The following DDI2 variants were observed in gnomAD, a reference collection of about 807,000 sequenced individuals.
The protein encoded by DDI2 is protein DDI1 homolog 2.
In DDI2, 5 loss-of-function variants were observed where a neutral mutation model predicts 48.1. The observed-to-expected ratio is 0.10, with a 90% confidence interval of 0.05 to 0.22. DDI2 has a LOEUF of 0.22. Ranked by LOEUF, DDI2 falls within the 10% of genes least tolerant of loss-of-function variation. The pLI, the probability that DDI2 is intolerant of heterozygous loss-of-function variation, is 1.00. For synonymous variants in DDI2, 205 were observed against 183.6 expected, an observed-to-expected ratio of 1.12 and a Z score of -0.94; for missense variants, 285 against 506.2, an observed-to-expected ratio of 0.56 and a Z score of 4.19.
At position 15,651,698 on chromosome 1, in the gene DDI2, C is replaced by A; in HGVS notation, c.994-8C>A. 2.5e-6 allele frequency: 4 copies of A among 1,591,734 alleles called. No individual in the cohort carries two copies. Among genetic ancestry groups the A allele is most frequent in the Non-Finnish European group, 3.4e-6 (4 of 1,171,322 alleles). On this transcript the variant is annotated splice_polypyrimidine_tract_variant and splice_region_variant and intron_variant, in intron 7 of 9. Coordinates refer to ENST00000480945, the MANE Select transcript of DDI2 (RefSeq NM_032341.5). ...TCTGCTATTATTCTTTGGTTTCTTT[C>A]TTCCAAGTGTTCCATCGACCTGAAG...
At chr1:15,625,548 G>A (rs1354589617) in intron 1 of DDI2, among the ~76,000 whole-genome samples, 1 of 151,942 alleles carries the variant, frequency 6.6e-6, no homozygotes, top group Non-Finnish European at 1.5e-5. Flanking sequence ...ATTTTTATTA[G>A]TAGTACATTC....
chr1:15,630,214 G>C, intron 2 of DDI2, 111 bp from the exon 3 acceptor site: 2 of 958,504 alleles, frequency 2.1e-6, no homozygotes, highest in Non-Finnish European at 3.2e-6. Context: ...AAAGTCTACA[G>C]TTACCTTTGC....
rs1246176422 is a variant in DDI2 at position 15,666,557 on chromosome 1, T to TA, written c.*6768dup. ...GGGAGAGAAAAGTTCAAGAAGATCT[T>TA]ACATATTTGAAAGGAAATTGGTACT... On this transcript the variant is annotated 3_prime_UTR_variant, in exon 10 of 10. Transcript: ENST00000480945. The TA allele has an allele frequency of 6.6e-6, 1 of 152,230 alleles. No homozygotes were observed. Among genetic ancestry groups the TA allele is most frequent in the Non-Finnish European group, 1.5e-5 (1 of 68,038 alleles). 9.4% of individuals were successfully genotyped at this position (152,230 alleles called of 1,614,324 possible).
At chr1:15,627,244 A>C (rs1177142906) in intron 2 of DDI2, among the ~76,000 whole-genome samples, 1 of 152,222 alleles carries the variant, frequency 6.6e-6, no homozygotes, top group Non-Finnish European at 1.5e-5. Flanking sequence ...ACATGATCTC[A>C]TAACTTGGTT....
At chr1:15,656,332 C>T (rs1466326199) in intron 8 of DDI2, 1 of 1,126,200 alleles carries the variant, frequency 8.9e-7, no homozygotes, top group Non-Finnish European at 1.2e-6. Flanking sequence ...CTTTCTTCAC[C>T]TGTCTCACAT....
rs1314727199 is a variant in DDI2, at chr1:15,666,405, A to T, written c.*6615A>T. 3 of 152,226 alleles carry T rather than the reference A, an allele frequency of 2.0e-5. No homozygotes were observed. Among genetic ancestry groups the T allele is most frequent in the African/African-American group, 4.8e-5 (2 of 41,448 alleles). The allele number at this position is 152,226 out of a possible 1,614,324, so 9.4% of individuals were successfully genotyped here. A position where few individuals can be genotyped will look rare whatever the true frequency, so the allele number is the denominator to read the frequency against. On this transcript the variant is annotated 3_prime_UTR_variant, in exon 10 of 10. Coordinates refer to ENST00000480945, the MANE Select transcript of DDI2 (RefSeq NM_032341.5). ...AGGCTCACCTTGACTGAGTTGATTC[A>T]CAGTTATCCTGCATCAGACCATTAG...
At chr1:15,659,334 A>C (rs1269666688) in intron 9 of DDI2, among the ~76,000 whole-genome samples, 1 of 152,228 alleles carries the variant, frequency 6.6e-6, no homozygotes, top group African/African-American at 2.4e-5. Context: ...TGGTGCAAAG[A>C]TTCTCAGGAT....
intron 6 of DDI2, among the ~76,000 whole-genome samples, chr1:15,644,328 T>G (rs1640052553): frequency 6.6e-6 from 1 of 152,232 alleles, no homozygotes; most frequent in East Asian, 1.9e-4. Context: ...CTTTTTTATC[T>G]GCCCCTCAGT....
At chr1:15,651,518 C>G (rs1295765288) in intron 7 of DDI2, among the ~76,000 whole-genome samples, 188 bp from the exon 8 acceptor site, 1 of 152,066 alleles carries the variant, frequency 6.6e-6, no homozygotes, top group Non-Finnish European at 1.5e-5. Context: ...GGGGTTTCAC[C>G]GTGTTGGCCA....
rs537085215 is a variant in DDI2 at position 15,666,404 on chromosome 1, C to A, written c.*6614C>A. ...CAGGCTCACCTTGACTGAGTTGATT[C>A]ACAGTTATCCTGCATCAGACCATTA... On this transcript the variant is annotated 3_prime_UTR_variant, in exon 10 of 10. Transcript: ENST00000480945. The A allele has an allele frequency of 6.6e-6, 1 of 152,310 alleles. No homozygotes were observed. The highest frequency in any genetic ancestry group is 2.4e-5 in the African/African-American group (1 of 41,562). 9.4% of individuals were successfully genotyped at this position (152,310 alleles called of 1,614,324 possible). A position where few individuals can be genotyped will look rare whatever the true frequency, so the allele number is the denominator to read the frequency against.
chr1:15,659,952 T>C lies in DDI2; in HGVS notation c.*162T>C, dbSNP rs1266796366. ...GTCCTGATGTTGGTAATCCTATGAG[T>C]CTTGCTCGCTCTGTCTCTGCTTCAG... On this transcript the variant is annotated 3_prime_UTR_variant, in exon 10 of 10. Coordinates refer to ENST00000480945, the MANE Select transcript of DDI2 (RefSeq NM_032341.5). 1 of 1,613,990 alleles carries C rather than the reference T, an allele frequency of 6.2e-7. No individual in the cohort carries two copies. The highest frequency in any genetic ancestry group is 8.5e-7 in the Non-Finnish European group (1 of 1,180,022).
intron 1 of DDI2, among the ~76,000 whole-genome samples, chr1:15,623,006 G>A (rs1639694364): frequency 6.6e-6 from 1 of 152,206 alleles, no homozygotes; most frequent in Non-Finnish European, 1.5e-5. Context: ...CATGCTCAAT[G>A]TGGTGGTTAT....
chr1:15,628,024 T>C (rs533323542), intron 2 of DDI2, among the ~76,000 whole-genome samples: 55 of 152,322 alleles, frequency 3.6e-4, no homozygotes, highest in African/African-American at 1.3e-3. Flanking sequence ...CTTCCTTTGG[T>C]TAATTTGATG....
chr1:15,630,115 A>G (rs72647119), intron 2 of DDI2, among the ~76,000 whole-genome samples: 31,599 of 152,036 alleles, frequency 0.21, 3,428 homozygotes, highest in Middle Eastern at 0.26. Flanking sequence ...AGTTACTACC[A>G]TCACCTTCCC....
In DDI2 at chr1:15,638,453, A is replaced by G; in HGVS notation, c.760+19A>G. 1 of 1,584,366 alleles carries G rather than the reference A, an allele frequency of 6.3e-7. No individual in the cohort carries two copies. Among genetic ancestry groups the G allele is most frequent in the Non-Finnish European group, 8.6e-7 (1 of 1,164,232 alleles). On this transcript the variant is annotated intron_variant, in intron 5 of 9. Coordinates refer to ENST00000480945, the MANE Select transcript of DDI2 (RefSeq NM_032341.5). ...GACTCAGGTGACGTCTCTGTCTTTT[A>G]TTTCTTGGTCTCCCCTCCAACATCT...
intron 9 of DDI2, chr1:15,656,928 C>T: frequency 2.6e-6 from 1 of 383,042 alleles, no homozygotes; most frequent in South Asian, 3.8e-5. Context: ...AAAACAGTGT[C>T]TATTATATCT....
intron 5 of DDI2, among the ~76,000 whole-genome samples, chr1:15,642,923 C>T (rs529944061): frequency 3.0e-4 from 46 of 152,120 alleles, no homozygotes; most frequent in Non-Finnish European, 4.4e-4. Flanking sequence ...AAAAATTAGC[C>T]GGGTGTGGTG....
Position 15,638,448 on chromosome 1 carries a change from C to A in DDI2, c.760+14C>A. 1 of 1,596,876 alleles carries A rather than the reference C, an allele frequency of 6.3e-7. No homozygotes were observed. The highest frequency in any genetic ancestry group is 8.5e-7 in the Non-Finnish European group (1 of 1,170,278). On this transcript the variant is annotated intron_variant, in intron 5 of 9. Coordinates refer to ENST00000480945, the MANE Select transcript of DDI2 (RefSeq NM_032341.5). Reference sequence around the variant, plus strand: ...TTGTTGACTCAGGTGACGTCTCTGTCTTTTATTTCTTGGTCTCCCCTCCAA... The same window carrying A: ...TTGTTGACTCAGGTGACGTCTCTGTATTTTATTTCTTGGTCTCCCCTCCAA...
chr1:15,660,230 T>C lies in DDI2; in HGVS notation c.*440T>C, dbSNP rs964564869. On this transcript the variant is annotated 3_prime_UTR_variant, in exon 10 of 10. Coordinates refer to ENST00000480945, the MANE Select transcript of DDI2 (RefSeq NM_032341.5). The stretch of plus-strand genomic sequence containing the variant: ...TCTGCTGAAAGAAGCACCCAGGGCC[T>C]CAAATTTCATCTCCATACAAGACAG... 1 of 1,614,082 alleles carries C rather than the reference T, an allele frequency of 6.2e-7. No individual in the cohort carries two copies. The highest frequency in any genetic ancestry group is 8.5e-7 in the Non-Finnish European group (1 of 1,180,052).
Sources: allele counts gnomAD v4.1 joint callset (sites outside exome capture counted in the v4.1 genomes callset), GRCh38; gene constraint gnomAD v4.1.1; transcripts MANE v1.5; gene names NCBI Gene and HGNC (gene_info 2026-07-23, HGNC 2026-07-21).